DPYSL2: variants seen among roughly 807,000 people sequenced by gnomAD.
DPYSL2 encodes the protein dihydropyrimidinase-related protein 2.
Under a neutral mutation model 69.9 loss-of-function variants are expected in DPYSL2, and 13 were observed. That is an observed-to-expected ratio of 0.19 (90% CI 0.12 to 0.30). The LOEUF is 0.30. DPYSL2 is among the 10% of genes least tolerant of loss of function. The probability of loss-of-function intolerance (pLI) is 1.00; values close to 1 mark genes in which losing one functional copy is unlikely to be tolerated. For missense variants in DPYSL2, 587 were observed against 918.9 expected (o/e 0.64, Z 4.67); for synonymous variants, 326 against 359.1 (o/e 0.91, Z 1.04).
At chr8:26,570,493 C>A (rs1483264632) in intron 1 of DPYSL2, among the ~76,000 whole-genome samples, 2 of 152,152 alleles carry the variant, frequency 1.3e-5, no homozygotes, top group Admixed American at 6.5e-5. Flanking sequence ...GTAATCCCAA[C>A]ACTGGGAGGC....
At chr8:26,542,442 GT>G (rs2117624978) in intron 1 of DPYSL2, among the ~76,000 whole-genome samples, 1 of 151,198 alleles carries the variant, frequency 6.6e-6, no homozygotes, top group Admixed American at 6.6e-5. Flanking sequence ...TTTTTTTGAG[GT>G]GGCAGTCTTG....
intron 7 of DPYSL2, among the ~76,000 whole-genome samples, chr8:26,630,673 C>A (rs1272796180): frequency 6.6e-6 from 1 of 152,176 alleles, no homozygotes; most frequent in East Asian, 1.9e-4. Flanking sequence ...ATTCTACTGC[C>A]CATGAGTGGT....
chr8:26,555,439 T>G (rs1032959755), intron 1 of DPYSL2, among the ~76,000 whole-genome samples: 4 of 152,162 alleles, frequency 2.6e-5, no homozygotes, highest in Admixed American at 2.0e-4. Flanking sequence ...AAAAGCCAAT[T>G]GGTTTTCTAT....
intron 1 of DPYSL2, among the ~76,000 whole-genome samples, chr8:26,532,465 A>G: frequency 6.6e-6 from 1 of 152,190 alleles, no homozygotes; most frequent in East Asian, 1.9e-4. Context: ...ACCCATTATC[A>G]TTGTCCACTT....
chr8:26,591,187 T>A lies in DPYSL2; in HGVS notation c.628+7204T>A, dbSNP rs1801719361. Among the ~76,000 whole-genome samples, 1 of 152,158 alleles carries A rather than the reference T, an allele frequency of 6.6e-6. No individual in the cohort carries two copies. Among genetic ancestry groups the A allele is most frequent in the Non-Finnish European group, 1.5e-5 (1 of 68,028 alleles). ...ACAGCACTGGGGGTTTCCCAGAGCCTAGACTCTGACTTGCCCTAAAGCTGG... is the reference window on the plus strand; with the variant it reads ...ACAGCACTGGGGGTTTCCCAGAGCCAAGACTCTGACTTGCCCTAAAGCTGG... On this transcript the variant is annotated intron_variant, in intron 3 of 13. Coordinates refer to ENST00000521913, the MANE Select transcript of DPYSL2 (RefSeq NM_001197293.3). This position sits in a 1 kb window ranked among gnomAD's most constrained non-coding sequence, Gnocchi z 5.8.
chr8:26,528,636 A>G (rs1231133333), intron 1 of DPYSL2, among the ~76,000 whole-genome samples: 3 of 150,372 alleles, frequency 2.0e-5, no homozygotes, highest in Non-Finnish European at 4.4e-5. Context: ...ACTAAGGGAG[A>G]CTCTGTCTAA....
chr8:26,514,233 A>G lies in DPYSL2; in HGVS notation c.-93A>G. 8.9e-7 allele frequency: 1 copy of G among 1,127,162 alleles called. No individual in the cohort carries two copies. Among genetic ancestry groups the G allele is most frequent in the Non-Finnish European group, 1.2e-6 (1 of 854,772 alleles). 69.8% of individuals were successfully genotyped at this position (1,127,162 alleles called of 1,614,324 possible). On this transcript the variant is annotated 5_prime_UTR_variant, in exon 1 of 14. Transcript: ENST00000521913. This position sits in a 1 kb window ranked among gnomAD's most constrained non-coding sequence, Gnocchi z 8.4. ...GTGGGCGGCGAACGGCAGCCGCGGCAGCAGCTAGGGGGCTTGTGCACACAG... is the reference window on the plus strand; with the variant it reads ...GTGGGCGGCGAACGGCAGCCGCGGCGGCAGCTAGGGGGCTTGTGCACACAG...
intron 2 of DPYSL2, 77 bp from the exon 3 acceptor site, chr8:26,583,722 T>C: frequency 7.5e-7 from 1 of 1,333,272 alleles, no homozygotes; most frequent in South Asian, 1.4e-5. Context: ...AGTTTATAGG[T>C]TAGTGAAAGT....
chr8:26,623,952 GTTTCTGC>G (rs1802557990), intron 3 of DPYSL2, 184 bp from the exon 4 acceptor site: 1 of 614,922 alleles, frequency 1.6e-6, no homozygotes. Flanking sequence ...CCAATGCCAA[GTTTCTGC>G]TTTCTGCTTT....
Position 26,643,710 on chromosome 8 carries a change from G to A in DPYSL2, c.1283+115G>A. On this transcript the variant is annotated intron_variant, in intron 9 of 13. Coordinates refer to ENST00000521913, the MANE Select transcript of DPYSL2 (RefSeq NM_001197293.3). The surrounding 1 kb of genome is among the most constrained non-coding windows in gnomAD (Gnocchi z 6.5). ...GCAGCCATAAAACTGGGAGACCCTT[G>A]TTCACCAAACTAGGTTGGCTACATG... is the stretch of plus-strand genomic sequence containing the variant. The A allele has an allele frequency of 6.8e-6, 10 of 1,477,276 alleles. No homozygotes were observed. Among genetic ancestry groups the A allele is most frequent in the Non-Finnish European group, 9.3e-6 (10 of 1,073,942 alleles). 91.5% of individuals were successfully genotyped at this position (1,477,276 alleles called of 1,614,324 possible).
rs768396730 is a variant in DPYSL2, at chr8:26,653,333, G to A, written c.1878G>A (p.Thr626=). Residue 626 remains threonine, a synonymous_variant, in exon 13 of 14, where the codon ACG becomes ACA. Transcript: ENST00000521913. The surrounding 1 kb of genome is among the most constrained non-coding windows in gnomAD (Gnocchi z 5.7). ...TCACTCCAGCCTCCTCGGCCAAGACGTCTCCTGCCAAGCAGCAGGCCCCAC... is the reference window on the plus strand; with the variant it reads ...TCACTCCAGCCTCCTCGGCCAAGACATCTCCTGCCAAGCAGCAGGCCCCAC... ...KTVTPASSAK[T]SPAKQQAPPV... The A allele has an allele frequency of 1.2e-5, 19 of 1,613,982 alleles. No individual in the cohort carries two copies. Among genetic ancestry groups the A allele is most frequent in the East Asian group, 6.7e-5 (3 of 44,864 alleles).
intron 1 of DPYSL2, among the ~76,000 whole-genome samples, chr8:26,574,069 A>G (rs1383484666): frequency 2.6e-5 from 4 of 152,122 alleles, no homozygotes; most frequent in African/African-American, 9.7e-5. Context: ...TCAAGGCCTG[A>G]TGGAAGAAAT....
chr8:26,561,976 A>G (rs778115621), intron 1 of DPYSL2, among the ~76,000 whole-genome samples: 68 of 152,132 alleles, frequency 4.5e-4, no homozygotes, highest in African/African-American at 1.6e-3. Flanking sequence ...TTCAACTTTG[A>G]ATCAATTTCC....
intron 1 of DPYSL2, among the ~76,000 whole-genome samples, chr8:26,526,404 A>G (rs913894549): frequency 7.2e-5 from 11 of 152,120 alleles, no homozygotes; most frequent in African/African-American, 2.7e-4. Context: ...GGGGTTTTAT[A>G]TTAATTAGCA....
intron 1 of DPYSL2, among the ~76,000 whole-genome samples, chr8:26,568,817 G>C (rs1290044150): frequency 6.6e-6 from 1 of 152,212 alleles, no homozygotes; most frequent in Admixed American, 6.5e-5. Flanking sequence ...AGTTGAGGGA[G>C]ATCTGCGGTA....
In DPYSL2 at chr8:26,647,633, A is replaced by G; in HGVS notation, c.1429A>G (p.Thr477Ala). 6.2e-7 allele frequency: 1 copy of G among 1,611,914 alleles called. No individual in the cohort carries two copies. Among genetic ancestry groups the G allele is most frequent in the Non-Finnish European group, 8.5e-7 (1 of 1,179,042 alleles). Residue 477 changes from threonine to alanine, a missense_variant, in exon 11 of 14, where the codon ACT becomes GCT. By Grantham distance (58) the Thr-to-Ala change is moderately conservative. Coordinates refer to ENST00000521913, the MANE Select transcript of DPYSL2 (RefSeq NM_001197293.3). This position sits in a 1 kb window ranked among gnomAD's most constrained non-coding sequence, Gnocchi z 5.1. ...ACACCTATGCTGTCTCCCTCAGGTC[A>G]CTGGGAAGATGGATGAGAACCAGTT... ...MSVIWDKAVV[T>A]GKMDENQFVA... is the part of the protein sequence containing the mutation.
chr8:26,528,199 C>A (rs780804659), intron 1 of DPYSL2, among the ~76,000 whole-genome samples: 5 of 152,064 alleles, frequency 3.3e-5, no homozygotes, highest in Non-Finnish European at 7.4e-5. Flanking sequence ...TCCTTGTCTG[C>A]CCCTAATCCC....
chr8:26,530,777 T>C (rs924115441), intron 1 of DPYSL2, among the ~76,000 whole-genome samples: 8 of 152,242 alleles, frequency 5.3e-5, no homozygotes, highest in African/African-American at 1.9e-4. Context: ...TGAGCTCTTA[T>C]GGTATACCAG....
intron 1 of DPYSL2, chr8:26,577,024 A>G: frequency 2.9e-6 from 1 of 341,846 alleles, no homozygotes. Flanking sequence ...GCTGCTCCCC[A>G]TTCCTCCGCC....
Sources: allele counts gnomAD v4.1 joint callset (sites outside exome capture counted in the v4.1 genomes callset), GRCh38; gene constraint gnomAD v4.1.1; non-coding constraint Gnocchi (gnomAD v3.1); transcripts MANE v1.5; gene names NCBI Gene and HGNC (gene_info 2026-07-23, HGNC 2026-07-21).